KCNH5: variants seen among roughly 807,000 people sequenced by gnomAD.
KCNH5 encodes the protein voltage-gated delayed rectifier potassium channel KCNH5.
In KCNH5, 46 loss-of-function variants were observed where a neutral mutation model predicts 96.1. The observed-to-expected ratio is 0.48, with a 90% confidence interval of 0.38 to 0.61. The LOEUF is 0.61. Among genes scored for constraint, KCNH5 ranks in the 20% least tolerant of loss-of-function variants. The pLI, the probability that KCNH5 is intolerant of heterozygous loss-of-function variation, is 0.00. For synonymous variants in KCNH5, 439 were observed against 449.8 expected (o/e 0.98, Z 0.30); for missense variants, 907 against 1,225.8 (o/e 0.74, Z 3.88).
intron 7 of KCNH5, among the ~76,000 whole-genome samples, chr14:62,855,733 C>T (rs1049833453): frequency 1.3e-5 from 2 of 151,912 alleles, no homozygotes; most frequent in Non-Finnish European, 2.9e-5. Flanking sequence ...TGGAAAAATG[C>T]CTTTTTATAA....
Position 62,814,654 on chromosome 14 carries a change from G to A in KCNH5, c.1570-12073C>T, listed in dbSNP as rs571851508. ...AAAAATTAGCCGGGTGTGGTGGCAG[G>A]CACCTGTAGTCCTAGCTACCCGGGA... On this transcript the variant is annotated intron_variant, in intron 8 of 10. Transcript: ENST00000322893. Among the ~76,000 whole-genome samples, 223 of 151,316 alleles carry A rather than the reference G, an allele frequency of 1.5e-3. 1 individual carries two copies. Among genetic ancestry groups the A allele is most frequent in the African/African-American group, 5.1e-3 (212 of 41,288 alleles).
At chr14:62,846,171 T>C (rs1019763327) in intron 8 of KCNH5, among the ~76,000 whole-genome samples, 4 of 152,124 alleles carry the variant, frequency 2.6e-5, no homozygotes, top group Admixed American at 6.5e-5. Flanking sequence ...AACTCTTTGT[T>C]CCAAGGGAAA....
At chr14:62,720,717 G>A (rs1884791664) in intron 10 of KCNH5, among the ~76,000 whole-genome samples, 1 of 152,180 alleles carries the variant, frequency 6.6e-6, no homozygotes, top group African/African-American at 2.4e-5. Context: ...GTTTGTGGAT[G>A]TGCTGGATGA....
At chr14:62,891,365 T>C (rs1327844412) in intron 7 of KCNH5, among the ~76,000 whole-genome samples, 1 of 152,098 alleles carries the variant, frequency 6.6e-6, no homozygotes, top group Non-Finnish European at 1.5e-5. Flanking sequence ...TGACAACTTA[T>C]GAACACAAAG....
chr14:62,772,829 C>T (rs1886019473), intron 10 of KCNH5, among the ~76,000 whole-genome samples: 2 of 152,024 alleles, frequency 1.3e-5, no homozygotes, highest in South Asian at 2.1e-4. Context: ...AAGTTAAATG[C>T]TTTCACTAAA....
At chr14:62,823,573 T>A (rs1887157226) in intron 8 of KCNH5, among the ~76,000 whole-genome samples, 1 of 152,022 alleles carries the variant, frequency 6.6e-6, no homozygotes, top group Non-Finnish European at 1.5e-5. Flanking sequence ...TTCCACACTA[T>A]CCATTTAACC....
intron 3 of KCNH5, 30 bp from the exon 4 acceptor site, chr14:63,001,489 A>G (rs2139591392): frequency 6.3e-7 from 1 of 1,593,558 alleles, no homozygotes; most frequent in Admixed American, 1.8e-5. Flanking sequence ...GGGAAAGGAC[A>G]TTAGAGTGTG....
At chr14:62,961,472 A>T (rs1890203673) in intron 6 of KCNH5, among the ~76,000 whole-genome samples, 2 of 152,290 alleles carry the variant, frequency 1.3e-5, no homozygotes, top group South Asian at 4.1e-4. Context: ...CTGAAAGTTA[A>T]GACTCTTGTT....
At chr14:62,840,566 C>CTTTTTT (rs71120238) in intron 8 of KCNH5, among the ~76,000 whole-genome samples, 71 of 76,368 alleles carry the variant, frequency 9.3e-4, no homozygotes, top group Non-Finnish European at 1.3e-3. Context: ...TCTTTTTTTT[C>CTTTTTT]TTTTTTTTTT....
At chr14:62,908,990 G>T in intron 7 of KCNH5, among the ~76,000 whole-genome samples, 1 of 137,080 alleles carries the variant, frequency 7.3e-6, no homozygotes, top group Non-Finnish European at 1.6e-5. Context: ...AAAACTAACT[G>T]TAGCCAAGCT....
chr14:62,970,348 A>G (rs1890383551), intron 6 of KCNH5, among the ~76,000 whole-genome samples: 1 of 152,298 alleles, frequency 6.6e-6, no homozygotes, highest in African/African-American at 2.4e-5. Context: ...ATAATTAATA[A>G]CCTTCTAAAA....
At chr14:62,769,521 C>T (rs1379025695) in intron 10 of KCNH5, among the ~76,000 whole-genome samples, 2 of 152,204 alleles carry the variant, frequency 1.3e-5, no homozygotes, top group Non-Finnish European at 2.9e-5. Context: ...ATCAAAATTG[C>T]TGTACTACTC....
intron 10 of KCNH5, among the ~76,000 whole-genome samples, chr14:62,776,509 C>T (rs1235266416): frequency 6.6e-6 from 1 of 152,138 alleles, no homozygotes; most frequent in Non-Finnish European, 1.5e-5. Context: ...TAAATTCCTG[C>T]TGCTTAAGAC....
At chr14:62,725,001 A>T (rs1001679367) in intron 10 of KCNH5, among the ~76,000 whole-genome samples, 2 of 152,236 alleles carry the variant, frequency 1.3e-5, no homozygotes, top group Non-Finnish European at 2.9e-5. Context: ...GTCTGGTTAA[A>T]GAGATTTGAG....
chr14:62,731,295 C>T (rs964289031), intron 10 of KCNH5, among the ~76,000 whole-genome samples: 12 of 149,086 alleles, frequency 8.0e-5, no homozygotes, highest in East Asian at 2.0e-4. Flanking sequence ...AGGGAGACTC[C>T]GTCTAAAAAA....
intron 7 of KCNH5, among the ~76,000 whole-genome samples, chr14:62,893,485 A>G (rs111888525): frequency 0.044 from 6,729 of 152,282 alleles, 208 homozygotes; most frequent in African/African-American, 0.08. Context: ...GCCGGGCATG[A>G]TGGCTCAAGC....
intron 7 of KCNH5, among the ~76,000 whole-genome samples, chr14:62,887,462 G>A (rs1888619812): frequency 1.3e-5 from 2 of 152,074 alleles, no homozygotes; most frequent in African/African-American, 4.8e-5. Flanking sequence ...GAACAAATTT[G>A]CCTCTTACTG....
intron 6 of KCNH5, among the ~76,000 whole-genome samples, chr14:62,975,828 G>A (rs746041677): frequency 2.7e-4 from 41 of 152,038 alleles, no homozygotes; most frequent in Admixed American, 1.6e-3. Context: ...AAATCAAAAC[G>A]TAATTAATCA....
At chr14:62,824,561 T>C (rs148536764) in intron 8 of KCNH5, among the ~76,000 whole-genome samples, 15 of 152,148 alleles carry the variant, frequency 9.9e-5, no homozygotes, top group Non-Finnish European at 5.9e-5. Context: ...AAAAAGAACA[T>C]GCTTAATTTA....
Sources: gnomAD v4.1 joint callset for allele counts (sites outside exome capture counted in the v4.1 genomes callset) on GRCh38, gnomAD v4.1.1 for gene constraint, MANE v1.5 for transcripts, NCBI Gene and HGNC (gene_info 2026-07-23, HGNC 2026-07-21) for gene names.